NT5E: variants seen among roughly 807,000 people sequenced by gnomAD.
The protein encoded by NT5E is 5'-nucleotidase ecto, also known as 5'-nucleotidase.
In NT5E, 53 loss-of-function variants were observed where a neutral mutation model predicts 55.1. The observed-to-expected ratio is 0.96, with a 90% CI of 0.77 to 1.21. The LOEUF (loss-of-function observed/expected upper bound fraction) is 1.21, where lower values mean the gene tolerates loss of function less well. Ranked by LOEUF, NT5E falls within the 50% of genes most tolerant of loss-of-function variation. NT5E has a pLI of 0.00. For synonymous variants in NT5E, 270 were observed against 278.4 expected (o/e 0.97, Z 0.30); for missense variants, 683 against 724.3 (o/e 0.94, Z 0.65).
chr6:85,468,596 G>A (rs769564638), intron 2 of NT5E, among the ~76,000 whole-genome samples: 1 of 152,188 alleles, frequency 6.6e-6, no homozygotes, highest in Admixed American at 6.5e-5. Context: ...GAATACATGA[G>A]AGCAGGAAGG....
chr6:85,489,729 T>C, intron 6 of NT5E, 130 bp downstream of exon 6: 1 of 723,846 alleles, frequency 1.4e-6, no homozygotes, highest in Middle Eastern at 3.6e-4. Flanking sequence ...TGTACCAGAA[T>C]GTCAGTCCTT....
At chr6:85,467,310 G>A in intron 2 of NT5E, 28 bp downstream of exon 2, 2 of 1,570,298 alleles carry the variant, frequency 1.3e-6, no homozygotes, top group Non-Finnish European at 1.8e-6. Context: ...AGCACTCAAT[G>A]CTTGAAAATA....
chr6:85,484,573 G>T (rs1267155664), intron 3 of NT5E, among the ~76,000 whole-genome samples: 1 of 152,136 alleles, frequency 6.6e-6, no homozygotes, highest in Non-Finnish European at 1.5e-5. Context: ...GGTGAATGTG[G>T]CTCTTCTAAA....
intron 3 of NT5E, among the ~76,000 whole-genome samples, chr6:85,473,261 C>G (rs1021382015): frequency 6.6e-5 from 10 of 152,132 alleles, no homozygotes; most frequent in African/African-American, 2.4e-4. Flanking sequence ...GCCTGATTAC[C>G]CTCATCTGTG....
intron 8 of NT5E, among the ~76,000 whole-genome samples, chr6:85,493,325 A>T (rs1167408621): frequency 1.3e-5 from 2 of 152,136 alleles, no homozygotes; most frequent in African/African-American, 4.8e-5. Flanking sequence ...TGATATTTTT[A>T]AAATAAAATT....
rs1490285053 is a variant in NT5E, at chr6:85,470,192, TA to T, written c.563-1041del. Among the ~76,000 whole-genome samples, 12 of 152,282 alleles carry T rather than the reference TA, an allele frequency of 7.9e-5. No homozygotes were observed. The East Asian group carries it at 2.3e-3, about 29-fold the overall frequency. ...GTCATCTTCATGCCAGTGATAGCCA[TA>T]AAACCTCAAAGCTTCCTCAAATGTG... On this transcript the variant is annotated intron_variant, in intron 2 of 8. Coordinates refer to ENST00000257770, the MANE Select transcript of NT5E (RefSeq NM_002526.4).
chr6:85,475,939 G>A (rs1753059239), intron 3 of NT5E, among the ~76,000 whole-genome samples: 1 of 152,080 alleles, frequency 6.6e-6, no homozygotes, highest in African/African-American at 2.4e-5. Flanking sequence ...AAAAAATTTG[G>A]TAGAATACCT....
At chr6:85,489,056 C>T (rs1769728396) in intron 5 of NT5E, among the ~76,000 whole-genome samples, 1 of 152,194 alleles carries the variant, frequency 6.6e-6, no homozygotes, top group Non-Finnish European at 1.5e-5. Context: ...CAGCTGCAGA[C>T]ATAGACGTGG....
At chr6:85,474,857 CG>C (rs1562141022) in intron 3 of NT5E, among the ~76,000 whole-genome samples, 1 of 152,108 alleles carries the variant, frequency 6.6e-6, no homozygotes, top group African/African-American at 2.4e-5. Flanking sequence ...TTGCTTGAAT[CG>C]GGGAGGTTGA....
At chr6:85,461,886 T>G (rs1335199978) in intron 1 of NT5E, among the ~76,000 whole-genome samples, 1 of 152,066 alleles carries the variant, frequency 6.6e-6, no homozygotes, top group Non-Finnish European at 1.5e-5. Context: ...CAATCTCCCC[T>G]TAGCTCCCCA....
chr6:85,489,443 C>T (rs4262161), intron 5 of NT5E, 51 bp from the exon 6 acceptor site: 3 of 1,309,402 alleles, frequency 2.3e-6, no homozygotes, highest in Non-Finnish European at 3.3e-6. Flanking sequence ...GGAGCTGATC[C>T]TAAGGAAGAA....
At position 85,450,179 on chromosome 6, in the gene NT5E, C is replaced by T. The variant is rs750017557; in HGVS notation, c.40C>T (p.Leu14Phe). 2.5e-6 allele frequency: 4 copies of T among 1,605,708 alleles called. No individual in the cohort carries two copies. The highest frequency in any genetic ancestry group is 3.4e-6 in the Non-Finnish European group (4 of 1,177,422). The change falls in exon 1 of 9, where the codon CTC (leucine) becomes TTC (phenylalanine). Residue 14 changes from leucine to phenylalanine, a missense_variant. By Grantham distance (22) the Leu-to-Phe change is conservative. Transcript: ENST00000257770. The surrounding 1 kb of genome is among the most constrained non-coding windows in gnomAD (Gnocchi z 4.0). ...RAARAPATLL[L>F]ALGAVLWPAA... ...CGCGCGGGCGCCCGCGACGCTACTC[C>T]TCGCCCTGGGCGCGGTGCTGTGGCC...
At chr6:85,491,006 T>C (rs779218391) in intron 7 of NT5E, 4 of 520,250 alleles carry the variant, frequency 7.7e-6, no homozygotes, top group Non-Finnish European at 1.6e-5. Flanking sequence ...TCCTCTGTTC[T>C]ACTCATCGTT....
At chr6:85,451,145 A>G (rs565571865) in intron 1 of NT5E, among the ~76,000 whole-genome samples, 1 of 152,220 alleles carries the variant, frequency 6.6e-6, no homozygotes, top group Non-Finnish European at 1.5e-5. Context: ...TGTGGTCTCT[A>G]TATTATTACC....
chr6:85,461,429 C>A (rs1490472203), intron 1 of NT5E, among the ~76,000 whole-genome samples: 2 of 152,140 alleles, frequency 1.3e-5, no homozygotes, highest in Admixed American at 1.3e-4. Context: ...GGAAATTGAA[C>A]CACAAAAAGC....
intron 7 of NT5E, chr6:85,491,044 A>C (rs928557392): frequency 3.8e-6 from 2 of 531,640 alleles, no homozygotes; most frequent in African/African-American, 1.9e-5. Flanking sequence ...GATTTAAAGG[A>C]ATGCTGTCCA....
intron 5 of NT5E, among the ~76,000 whole-genome samples, chr6:85,487,847 G>A (rs1241114798): frequency 2.0e-5 from 3 of 150,972 alleles, no homozygotes; most frequent in Admixed American, 6.6e-5. Flanking sequence ...GTGCTGGAAG[G>A]AGATCAGGTA....
chr6:85,493,884 G>C lies in NT5E; in HGVS notation c.1605G>C (p.Met535Ile), dbSNP rs760856221. ...TGGTTTCTACATATATCTCCAAAAT[G>C]AAAGTAATTTATCCAGCAGTTGAAG... Reference protein sequence around the residue: ...INVVSTYISKMKVIYPAVEGR... With the variant: ...INVVSTYISKIKVIYPAVEGR... The change falls in exon 9 of 9, where the codon ATG becomes ATC. Residue 535 changes from methionine (M) to isoleucine (I), a missense_variant. Transcript: ENST00000257770. The C allele has an allele frequency of 6.2e-7, 1 of 1,614,026 alleles. No homozygotes were observed. Among genetic ancestry groups the C allele is most frequent in the South Asian group, 1.1e-5 (1 of 91,068 alleles).
At chr6:85,493,297 G>A (rs1432763847) in intron 8 of NT5E, among the ~76,000 whole-genome samples, 1 of 152,084 alleles carries the variant, frequency 6.6e-6, no homozygotes, top group Non-Finnish European at 1.5e-5. Flanking sequence ...AAGAGAGAAG[G>A]GTTCTTAAGT....
Sources: allele counts gnomAD v4.1 joint callset (sites outside exome capture counted in the v4.1 genomes callset), GRCh38; gene constraint gnomAD v4.1.1; non-coding constraint Gnocchi (gnomAD v3.1); transcripts MANE v1.5; gene names NCBI Gene and HGNC (gene_info 2026-07-23, HGNC 2026-07-21).